PTPRG: variants seen among roughly 807,000 people sequenced by gnomAD.
The protein encoded by PTPRG is receptor-type tyrosine-protein phosphatase gamma.
PTPRG carries 102 observed loss-of-function variants against 165.3 expected under a neutral mutation model. The ratio of observed to expected loss-of-function variants is 0.62; its 90% CI spans 0.53 to 0.73. PTPRG has a LOEUF of 0.73. Ranked by LOEUF, PTPRG falls within the 30% of genes least tolerant of loss-of-function variation. PTPRG has a pLI of 0.00. For synonymous variants in PTPRG, 675 were observed against 669.5 expected, an observed-to-expected ratio of 1.01 and a Z score of -0.13; for missense variants, 1,866 against 1,861.4, an observed-to-expected ratio of 1.00 and a Z score of -0.05.
At chr3:62,263,334 T>C (rs770044918) in intron 17 of PTPRG, 2 of 164,292 alleles carry the variant, frequency 1.2e-5, no homozygotes, top group Non-Finnish European at 2.6e-5. Flanking sequence ...GTACCTTAAA[T>C]GATGAGCCTC....
rs200189646 is a variant in PTPRG at position 62,074,352 on chromosome 3, C to CTT, written c.520-3791_520-3790dup. Among the ~76,000 whole-genome samples the CTT allele has an allele frequency of 4.3e-3, 470 of 109,062 alleles. 9 individuals carry two copies. Among genetic ancestry groups the CTT allele is most frequent in the African/African-American group, 0.015 (387 of 26,096 alleles). The allele number at this position is 109,062 out of a possible 152,430, so 71.5% of individuals were successfully genotyped here. A position where few individuals can be genotyped will look rare whatever the true frequency, so the allele number is the denominator to read the frequency against. On this transcript the variant is annotated intron_variant, in intron 4 of 29. Transcript: ENST00000474889. ...TTTTTTCCTTTCTTTTCTTTTCTTT[C>CTT]TTTTTTTTTTTTTTTTTTTTTGAGA...
rs1161902068 is a variant in PTPRG, at chr3:62,228,530, GAAAGAAA to G, written c.2289-2685_2289-2679del. Among the ~76,000 whole-genome samples, 2 of 150,886 alleles carry G rather than the reference GAAAGAAA, an allele frequency of 1.3e-5. No homozygotes were observed. The highest frequency in any genetic ancestry group is 2.4e-5 in the African/African-American group (1 of 40,850). ...CTCCATCTCAAAAAAAAAAAAGAAA[GAAAGAAA>G]AAAGAAAAAGAAAAAGGACAAGTGC... On this transcript the variant is annotated intron_variant, in intron 13 of 29. Transcript: ENST00000474889. This position sits in a 1 kb window ranked among gnomAD's most constrained non-coding sequence, Gnocchi z 4.1.
chr3:62,187,758 G>A (rs896722812), intron 8 of PTPRG, among the ~76,000 whole-genome samples: 9 of 152,100 alleles, frequency 5.9e-5, no homozygotes, highest in Non-Finnish European at 1.3e-4. Flanking sequence ...CCCAGGATGG[G>A]GGGTAGAGAA....
At position 61,605,021 on chromosome 3, in the gene PTPRG, G is replaced by A. The variant is rs34546422; in HGVS notation, c.85+42649G>A. Among the ~76,000 whole-genome samples, 939 of 152,210 alleles carry A rather than the reference G, an allele frequency of 6.2e-3. 8 individuals are homozygous for A. The highest frequency in any genetic ancestry group is 9.6e-3 in the Non-Finnish European group (655 of 68,012). Reference sequence around the variant, plus strand: ...CTGACGAGGTAGCCCAGGTCTCTTCGGACCTAAAGGCCTTTCTTGTTGGAT... The same window carrying A: ...CTGACGAGGTAGCCCAGGTCTCTTCAGACCTAAAGGCCTTTCTTGTTGGAT... On this transcript the variant is annotated intron_variant, in intron 1 of 29. Coordinates refer to ENST00000474889, the MANE Select transcript of PTPRG (RefSeq NM_002841.4).
intron 7 of PTPRG, among the ~76,000 whole-genome samples, chr3:62,159,296 G>A (rs926308745): frequency 2.0e-5 from 3 of 151,886 alleles, no homozygotes; most frequent in Admixed American, 6.6e-5. Flanking sequence ...ATGCCACTGC[G>A]CTCCAGTGTG....
intron 4 of PTPRG, among the ~76,000 whole-genome samples, chr3:62,042,013 A>G (rs1386141191): frequency 1.3e-5 from 2 of 152,126 alleles, no homozygotes; most frequent in African/African-American, 4.8e-5. Context: ...GCTTTAGTTT[A>G]CCCAGGATTA....
chr3:61,747,162 T>C (rs1006187442), intron 1 of PTPRG, among the ~76,000 whole-genome samples: 1 of 152,208 alleles, frequency 6.6e-6, no homozygotes, highest in Non-Finnish European at 1.5e-5. Flanking sequence ...TGCCCAGTGC[T>C]GAGTTAGGTG....
chr3:61,833,711 C>T (rs531449338), intron 2 of PTPRG, among the ~76,000 whole-genome samples: 36 of 152,112 alleles, frequency 2.4e-4, no homozygotes, highest in Admixed American at 1.2e-3. Context: ...TACAGGTACC[C>T]GCCACCACGC....
chr3:61,659,307 A>C, intron 1 of PTPRG: 2 of 985,348 alleles, frequency 2.0e-6, no homozygotes, highest in Non-Finnish European at 2.4e-6. Context: ...CTGATGGTGC[A>C]AGTCCAAACA....
chr3:62,209,919 T>C lies in PTPRG; in HGVS notation c.2155+5969T>C, dbSNP rs145293320. 6.8e-4 allele frequency among the ~76,000 whole-genome samples: 103 copies of C among 152,310 alleles called. No homozygotes were observed. The East Asian group carries it at 0.019, about 28-fold the overall frequency. ...AGCAGGTGGCATATTTGGTATAAGA[T>C]TGGTGTACAACTTCTGTCCGTGACT... On this transcript the variant is annotated intron_variant, in intron 12 of 29. Coordinates refer to ENST00000474889, the MANE Select transcript of PTPRG (RefSeq NM_002841.4).
chr3:62,194,099 G>C (rs1460616869), intron 9 of PTPRG, among the ~76,000 whole-genome samples: 1 of 152,190 alleles, frequency 6.6e-6, no homozygotes, highest in Non-Finnish European at 1.5e-5. Flanking sequence ...AGGCTTTACA[G>C]GTCATGGAAT....
chr3:62,029,223 A>G (rs1559755456), intron 4 of PTPRG, among the ~76,000 whole-genome samples: 2 of 152,142 alleles, frequency 1.3e-5, no homozygotes, highest in South Asian at 4.1e-4. Flanking sequence ...TTCTATGTGT[A>G]TCTTCTGGAC....
intron 1 of PTPRG, among the ~76,000 whole-genome samples, chr3:61,658,015 C>G (rs1440748489): frequency 6.6e-6 from 1 of 151,960 alleles, no homozygotes; most frequent in Non-Finnish European, 1.5e-5. Context: ...GGGCACCCAC[C>G]CTATGGACAG....
chr3:61,925,564 T>A (rs1196782420), intron 2 of PTPRG, among the ~76,000 whole-genome samples: 2 of 152,076 alleles, frequency 1.3e-5, no homozygotes, highest in African/African-American at 4.8e-5. Context: ...GCCAACATGG[T>A]GAAACCTCAT....
intron 2 of PTPRG, among the ~76,000 whole-genome samples, chr3:61,805,690 G>C (rs2035393217): frequency 6.6e-6 from 1 of 152,136 alleles, no homozygotes; most frequent in African/African-American, 2.4e-5. Context: ...TCTCAGATGA[G>C]CCACCCCACT....
At chr3:61,996,224 G>A (rs1430924505) in intron 3 of PTPRG, among the ~76,000 whole-genome samples, 1 of 152,118 alleles carries the variant, frequency 6.6e-6, no homozygotes, top group Non-Finnish European at 1.5e-5. Flanking sequence ...TATTGGATGG[G>A]GAGGGCCTGG....
intron 2 of PTPRG, among the ~76,000 whole-genome samples, chr3:61,987,898 G>A (rs2040799548): frequency 6.6e-6 from 1 of 151,664 alleles, no homozygotes. Context: ...ATAAAGTTTG[G>A]CCAAAATAAA....
chr3:61,913,281 G>A (rs1404555396), intron 2 of PTPRG, among the ~76,000 whole-genome samples: 2 of 152,096 alleles, frequency 1.3e-5, no homozygotes, highest in Admixed American at 6.6e-5. Context: ...GTGCAGTGGC[G>A]CGATCTTGGC....
intron 1 of PTPRG, among the ~76,000 whole-genome samples, chr3:61,641,340 T>C (rs1702054311): frequency 6.6e-6 from 1 of 152,184 alleles, no homozygotes; most frequent in Admixed American, 6.5e-5. Context: ...ATGTTTCTAT[T>C]GGGGAACAAA....
Sources: allele counts gnomAD v4.1 joint callset (sites outside exome capture counted in the v4.1 genomes callset), GRCh38; gene constraint gnomAD v4.1.1; non-coding constraint Gnocchi (gnomAD v3.1); transcripts MANE v1.5; gene names NCBI Gene and HGNC (gene_info 2026-07-23, HGNC 2026-07-21).